PRKCE: variants seen among roughly 807,000 people sequenced by gnomAD.
The protein encoded by PRKCE is protein kinase C epsilon type.
PRKCE carries 16 observed loss-of-function variants against 85.4 expected under a neutral mutation model. That is an observed-to-expected ratio of 0.19 (90% CI 0.13 to 0.28). The LOEUF is 0.28. PRKCE is among the 10% of genes least tolerant of loss of function. The pLI is 1.00. For synonymous variants in PRKCE, 388 were observed against 371.5 expected (o/e 1.04, Z -0.51); for missense variants, 573 against 975.2 (o/e 0.59, Z 5.49).
chr2:45,964,415 G>T (rs1436781676), intron 2 of PRKCE, among the ~76,000 whole-genome samples: 1 of 152,236 alleles, frequency 6.6e-6, no homozygotes, highest in East Asian at 1.9e-4. Context: ...CACCAACAGG[G>T]ATTCTGGTCC....
At chr2:45,933,836 C>A (rs1699244525) in intron 2 of PRKCE, among the ~76,000 whole-genome samples, 1 of 152,234 alleles carries the variant, frequency 6.6e-6, no homozygotes, top group South Asian at 2.1e-4. Flanking sequence ...CTGCTTATAG[C>A]ACAATCATAA....
chr2:45,863,422 G>T (rs1389675621), intron 2 of PRKCE, among the ~76,000 whole-genome samples: 1 of 152,008 alleles, frequency 6.6e-6, no homozygotes, highest in Non-Finnish European at 1.5e-5. Context: ...AGTCCCAAAG[G>T]CTGCTCCGTG....
chr2:45,709,604 G>T (rs1347264802), intron 1 of PRKCE, among the ~76,000 whole-genome samples: 1 of 152,206 alleles, frequency 6.6e-6, no homozygotes, highest in African/African-American at 2.4e-5. Context: ...CTATGGTTCT[G>T]CCTTAGTGTG....
At chr2:45,690,612 T>C (rs1310747466) in intron 1 of PRKCE, among the ~76,000 whole-genome samples, 1 of 152,206 alleles carries the variant, frequency 6.6e-6, no homozygotes, top group African/African-American at 2.4e-5. Context: ...GTAAGAGGTT[T>C]TTCATGTTTA....
chr2:46,060,824 C>T (rs959005725), intron 10 of PRKCE, among the ~76,000 whole-genome samples: 19 of 150,672 alleles, frequency 1.3e-4, no homozygotes, highest in African/African-American at 3.7e-4. Context: ...TGCAGTGGCA[C>T]GATATCAGCT....
At chr2:46,092,759 G>A (rs1009883743) in intron 11 of PRKCE, among the ~76,000 whole-genome samples, 20 of 152,182 alleles carry the variant, frequency 1.3e-4, no homozygotes, top group African/African-American at 3.6e-4. Context: ...TGCATACGAA[G>A]TTGTGATGTA....
intron 1 of PRKCE, among the ~76,000 whole-genome samples, chr2:45,711,338 AG>A (rs1414950858): frequency 3.9e-5 from 6 of 152,220 alleles, no homozygotes; most frequent in South Asian, 2.1e-4. Context: ...ATCATGACCA[AG>A]AGCGAGGACT....
intron 2 of PRKCE, among the ~76,000 whole-genome samples, chr2:45,880,409 A>T (rs1315948950): frequency 6.6e-6 from 1 of 152,178 alleles, no homozygotes; most frequent in Non-Finnish European, 1.5e-5. Flanking sequence ...TTGCTGGATT[A>T]TACGGTAGCT....
intron 2 of PRKCE, among the ~76,000 whole-genome samples, chr2:45,950,413 G>C (rs1358410540): frequency 1.3e-5 from 2 of 152,136 alleles, no homozygotes; most frequent in Non-Finnish European, 2.9e-5. Context: ...CTTATGAAAA[G>C]CTTTAAATGA....
At chr2:46,005,661 C>G (rs891647519) in intron 8 of PRKCE, among the ~76,000 whole-genome samples, 1 of 152,122 alleles carries the variant, frequency 6.6e-6, no homozygotes, top group African/African-American at 2.4e-5. Flanking sequence ...TTGGAGGTCA[C>G]CACCATGACC....
At chr2:45,986,975 G>A (rs562720595) in intron 6 of PRKCE, among the ~76,000 whole-genome samples, 2 of 152,164 alleles carry the variant, frequency 1.3e-5, no homozygotes, top group Admixed American at 6.5e-5. Context: ...AAAGATTAGT[G>A]TGGTTGCCGG....
intron 10 of PRKCE, among the ~76,000 whole-genome samples, chr2:46,012,380 A>G (rs1270808312): frequency 3.3e-5 from 5 of 150,932 alleles, no homozygotes; most frequent in Admixed American, 6.6e-5. Flanking sequence ...TATTTTGCTC[A>G]TAGGCACTCC....
At chr2:45,939,561 C>T (rs980088081) in intron 2 of PRKCE, among the ~76,000 whole-genome samples, 56 of 148,900 alleles carry the variant, frequency 3.8e-4, no homozygotes, top group African/African-American at 1.3e-3. Context: ...AGTTAATGCA[C>T]TTTTTTTTTT....
intron 1 of PRKCE, among the ~76,000 whole-genome samples, chr2:45,683,142 T>C (rs983201952): frequency 6.6e-6 from 1 of 152,224 alleles, no homozygotes; most frequent in African/African-American, 2.4e-5. Flanking sequence ...CAAGCGTTGG[T>C]TGAAATGTTC....
At chr2:45,974,376 G>T (rs1558905890) in intron 2 of PRKCE, among the ~76,000 whole-genome samples, 1 of 152,184 alleles carries the variant, frequency 6.6e-6, no homozygotes, top group Non-Finnish European at 1.5e-5. Flanking sequence ...TACCCAGAAG[G>T]TCGGTGATGC....
At chr2:46,034,651 G>A (rs1200643863) in intron 10 of PRKCE, among the ~76,000 whole-genome samples, 3 of 152,190 alleles carry the variant, frequency 2.0e-5, no homozygotes, top group Non-Finnish European at 2.9e-5. Flanking sequence ...CCGAGGCCAT[G>A]GGCTTAGGAG....
intron 11 of PRKCE, among the ~76,000 whole-genome samples, chr2:46,131,600 A>G (rs187971122): frequency 2.0e-5 from 3 of 152,304 alleles, no homozygotes; most frequent in Admixed American, 6.5e-5. Flanking sequence ...CTGGGTCACC[A>G]TTGCCCCAAC....
At chr2:46,120,072 G>A (rs1431354907) in intron 11 of PRKCE, among the ~76,000 whole-genome samples, 1 of 152,098 alleles carries the variant, frequency 6.6e-6, no homozygotes, top group Non-Finnish European at 1.5e-5. Flanking sequence ...GTCATTCTGG[G>A]ACTTAGAAAA....
At chr2:46,000,028 C>G (rs1165683766) in intron 6 of PRKCE, among the ~76,000 whole-genome samples, 1 of 152,164 alleles carries the variant, frequency 6.6e-6, no homozygotes, top group East Asian at 1.9e-4. Flanking sequence ...CATTAGAACC[C>G]TTAGCATATT....
Sources: allele counts gnomAD v4.1 joint callset (sites outside exome capture counted in the v4.1 genomes callset), GRCh38; gene constraint gnomAD v4.1.1; transcripts MANE v1.5; gene names NCBI Gene and HGNC (gene_info 2026-07-23, HGNC 2026-07-21).